Variants in CTBP2 observed in about 807,000 individuals in gnomAD.
CTBP2 encodes C-terminal binding protein 2.
Under a neutral mutation model 80.3 loss-of-function variants are expected in CTBP2, and 30 were observed. The ratio of observed to expected loss-of-function variants is 0.37; its 90% CI spans 0.28 to 0.51. The LOEUF is 0.51. Ranked by LOEUF, CTBP2 falls within the 20% of genes least tolerant of loss-of-function variation. The pLI is 0.93. For missense variants in CTBP2, 1,212 were observed against 1,375.3 expected, an observed-to-expected ratio of 0.88 and a Z score of 1.88; for synonymous variants, 594 against 587.4, an observed-to-expected ratio of 1.01 and a Z score of -0.16.
At chr10:125,004,741 A>G (rs1294584357) in intron 1 of CTBP2, among the ~76,000 whole-genome samples, 2 of 152,166 alleles carry the variant, frequency 1.3e-5, no homozygotes, top group Admixed American at 1.3e-4. Context: ...TGGACGGTCC[A>G]GGCCATTGCT....
intron 1 of CTBP2, among the ~76,000 whole-genome samples, chr10:125,129,133 G>T (rs1425709333): frequency 6.6e-6 from 1 of 152,146 alleles, no homozygotes; most frequent in Non-Finnish European, 1.5e-5. Context: ...GTACATACAT[G>T]TATTATGTAG....
At chr10:124,998,235 C>G in intron 3 of CTBP2, 65 bp from the exon 6 acceptor site, 2 of 1,525,308 alleles carry the variant, frequency 1.3e-6, no homozygotes, top group Non-Finnish European at 1.8e-6. Context: ...AGCCCCAGGG[C>G]TCCCAGCCCG....
chr10:125,078,018 C>T (rs1846538423), intron 2 of CTBP2, among the ~76,000 whole-genome samples: 1 of 152,166 alleles, frequency 6.6e-6, no homozygotes. Flanking sequence ...CGGTGGCTCA[C>T]GCCTGTAATC....
intron 1 of CTBP2, among the ~76,000 whole-genome samples, chr10:125,159,193 C>T (rs1278029438): frequency 6.6e-6 from 1 of 150,478 alleles, no homozygotes; most frequent in Non-Finnish European, 1.5e-5. Flanking sequence ...CCGCGGCGGC[C>T]CGGCTGTCCC....
chr10:125,035,759 G>A (rs535799615), intron 3 of CTBP2, among the ~76,000 whole-genome samples: 1 of 152,180 alleles, frequency 6.6e-6, no homozygotes, highest in South Asian at 2.1e-4. Flanking sequence ...CTGGCATAAT[G>A]CGATAAAGTA....
Position 125,026,360 on chromosome 10 carries a change from C to T in CTBP2, c.1400G>A (p.Gly467Asp). 6.2e-7 allele frequency: 1 copy of T among 1,613,346 alleles called. No individual in the cohort carries two copies. The highest frequency in any genetic ancestry group is 1.1e-5 in the South Asian group (1 of 91,062). Residue 467 changes from glycine to aspartate, a missense_variant, in exon 1 of 9, where the codon GGC (glycine) becomes GAC (aspartate). Coordinates refer to ENST00000309035, the MANE Select transcript of CTBP2 (RefSeq NM_022802.3). ...GCCTGGGTGAAGGGGGTTTGAGGGG[C>T]CCGGGTTAGTCAAGGCCACCCCTGC...
At chr10:125,059,459 G>A (rs552039087) in intron 2 of CTBP2, among the ~76,000 whole-genome samples, 30 of 152,104 alleles carry the variant, frequency 2.0e-4, no homozygotes, top group Non-Finnish European at 3.5e-4. Context: ...GTGCACGCCT[G>A]TAATCCCAGC....
chr10:125,145,499 T>TAGGGC (rs1427517551), intron 1 of CTBP2, among the ~76,000 whole-genome samples: 1 of 152,022 alleles, frequency 6.6e-6, no homozygotes, highest in Non-Finnish European at 1.5e-5. Context: ...TGGGGCAGGG[T>TAGGGC]AGGGCAGGGC....
At chr10:125,098,672 G>C (rs988011722) in intron 2 of CTBP2, among the ~76,000 whole-genome samples, 1 of 110,294 alleles carries the variant, frequency 9.1e-6, no homozygotes, top group Admixed American at 8.3e-5. Context: ...GAGAGAGAGA[G>C]AGAGAGAGAG....
At chr10:125,024,233 G>A (rs1011793538) in intron 1 of CTBP2, among the ~76,000 whole-genome samples, 2 of 152,314 alleles carry the variant, frequency 1.3e-5, no homozygotes, top group African/African-American at 4.8e-5. Context: ...CCCCCTTCCC[G>A]ACAGGGTGTG....
intron 1 of CTBP2, among the ~76,000 whole-genome samples, chr10:125,022,726 C>A (rs573927849): frequency 5.4e-4 from 82 of 152,232 alleles, no homozygotes; most frequent in Non-Finnish European, 9.4e-4. Context: ...TCTGCAGGGC[C>A]AGCCTGGGGT....
upstream of CTBP2, among the ~76,000 whole-genome samples, chr10:125,029,242 A>C (rs1176363362): frequency 2.2e-5 from 3 of 134,778 alleles, no homozygotes; most frequent in Non-Finnish European, 3.2e-5. Context: ...TTTTTGAGAC[A>C]CAGTTTTTTT....
At chr10:125,041,553 A>C (rs1959814516) in intron 2 of CTBP2, among the ~76,000 whole-genome samples, 1 of 124,218 alleles carries the variant, frequency 8.1e-6, no homozygotes, top group Admixed American at 9.8e-5. Context: ...CTGACCAGGG[A>C]GGCTCGGGCC....
rs371966722 is a variant in CTBP2 at position 125,102,529 on chromosome 10, G to A, written c.-102+8461C>T. Among the ~76,000 whole-genome samples the A allele has an allele frequency of 1.5e-4, 23 of 152,334 alleles. No individual in the cohort carries two copies. In the East Asian group the frequency reaches 3.3e-3, roughly 22 times the overall value. On this transcript the variant is annotated intron_variant, in intron 2 of 10. Coordinates refer to the CTBP2 transcript ENST00000337195. ...AGCCCAGGGTTTGCAGGGGGGTGGG[G>A]ATCAGAGCACAAATCAATGTTGAGT...
chr10:125,063,073 T>C (rs1844062842), intron 2 of CTBP2, among the ~76,000 whole-genome samples: 2 of 152,182 alleles, frequency 1.3e-5, no homozygotes, highest in African/African-American at 4.8e-5. Flanking sequence ...GGCAGGGCCC[T>C]GGGCAGCTGT....
At position 125,104,094 on chromosome 10, in the gene CTBP2, C is replaced by G. The variant is rs1243198443; in HGVS notation, c.-102+6896G>C. Reference sequence around the variant, plus strand: ...ACCTTCACCACCAATTCTCGTTTTCCACAAATCCCTATTAAAAGACAGCAC... The same window carrying G: ...ACCTTCACCACCAATTCTCGTTTTCGACAAATCCCTATTAAAAGACAGCAC... On this transcript the variant is annotated intron_variant, in intron 2 of 10. Transcript: ENST00000337195. Among the ~76,000 whole-genome samples, 4 of 152,156 alleles carry G rather than the reference C, an allele frequency of 2.6e-5. No homozygotes were observed. In the East Asian group the frequency reaches 7.7e-4, roughly 29 times the overall value.
chr10:125,125,210 G>A (rs570390959), intron 1 of CTBP2, among the ~76,000 whole-genome samples: 2 of 152,170 alleles, frequency 1.3e-5, no homozygotes, highest in African/African-American at 4.8e-5. Flanking sequence ...GTAAGACAGC[G>A]TTAATCACAT....
intron 2 of CTBP2, among the ~76,000 whole-genome samples, chr10:125,065,307 T>C (rs1230621613): frequency 6.6e-6 from 1 of 151,842 alleles, no homozygotes; most frequent in Non-Finnish European, 1.5e-5. Flanking sequence ...TTGTTCTCTT[T>C]GTGATGATTT....
chr10:125,083,598 C>T (rs181117282), intron 2 of CTBP2, among the ~76,000 whole-genome samples: 2 of 152,276 alleles, frequency 1.3e-5, no homozygotes, highest in South Asian at 4.2e-4. Flanking sequence ...CTGTTTGCAC[C>T]TTAGTCCGAA....
Sources: allele counts gnomAD v4.1 joint callset (sites outside exome capture counted in the v4.1 genomes callset), GRCh38; gene constraint gnomAD v4.1.1; transcripts MANE v1.5; gene names NCBI Gene and HGNC (gene_info 2026-07-23, HGNC 2026-07-21).